BICDL2: variants seen among roughly 807,000 people sequenced by gnomAD.
BICDL2 encodes BICD family like cargo adaptor 2.
BICDL2 carries 62 observed loss-of-function variants against 56.6 expected under a neutral mutation model. The observed-to-expected ratio is 1.10, with a 90% CI of 0.89 to 1.35. The LOEUF (loss-of-function observed/expected upper bound fraction) is 1.35, where lower values mean the gene tolerates loss of function less well. BICDL2 is among the 40% of genes most tolerant of loss of function. The pLI, the probability that BICDL2 is intolerant of heterozygous loss-of-function variation, is 0.00. For synonymous variants in BICDL2, 358 were observed against 319.8 expected, an observed-to-expected ratio of 1.12 and a Z score of -1.27; for missense variants, 808 against 684.5, an observed-to-expected ratio of 1.18 and a Z score of -2.01.
At chr16:3,028,874 G>C (rs1415239341) in intron 7 of BICDL2, 44 bp from the exon 8 acceptor site, 14 of 1,513,938 alleles carry the variant, frequency 9.2e-6, no homozygotes, top group Admixed American at 2.0e-5. Context: ...GGGCCAATGG[G>C]CCTCCCTGCT....
Position 3,033,286 on chromosome 16 carries a change from C to T in BICDL2, c.282+1929G>A, listed in dbSNP as rs887563953. Among the ~76,000 whole-genome samples the T allele has an allele frequency of 3.9e-5, 6 of 151,940 alleles. No individual in the cohort carries two copies. The East Asian group carries it at 1.2e-3, about 29-fold the overall frequency. On this transcript the variant is annotated intron_variant, in intron 2 of 9. Transcript: ENST00000572449. ...CACCACTGCACTCCAGCCTGGGCGA[C>T]AGAGCGAGACTCCATGTAAATAACA...
rs1429032329 is a variant in BICDL2, at chr16:3,030,507, T to G, written c.704A>C (p.Gln235Pro). The G allele has an allele frequency of 1.8e-5, 29 of 1,603,822 alleles. No homozygotes were observed. The highest frequency in any genetic ancestry group is 2.3e-5 in the Non-Finnish European group (27 of 1,179,336). ...CAGCAGCAACTCCTCGTGGGTGGTC[T>G]GCAGTCTGCCCTCACCCTTCTCCAC... is the stretch of plus-strand genomic sequence containing the variant. ...EEVEKGEGRL[Q>P]TTHEELLLLR... Residue 235 changes from glutamine to proline, a missense_variant, in exon 5 of 10, where the codon CAG becomes CCG. By Grantham distance (76) the Gln-to-Pro change is moderately conservative (BLOSUM62 -1). Coordinates refer to ENST00000572449, the MANE Select transcript of BICDL2 (RefSeq NM_001369667.1).
In BICDL2 at chr16:3,035,691, T is replaced by C. The variant is rs1596485702; in HGVS notation, c.-30-165A>G. On this transcript the variant is annotated intron_variant, in intron 1 of 9. Transcript: ENST00000572449. ...TGTTTTGGCTACCCAGTTCCGTTAATGTCCCTGGGGTAAACTGAGGCAGGA... is the reference window on the plus strand; with the variant it reads ...TGTTTTGGCTACCCAGTTCCGTTAACGTCCCTGGGGTAAACTGAGGCAGGA... 5 of 619,248 alleles carry C rather than the reference T, an allele frequency of 8.1e-6. No homozygotes were observed. The East Asian group carries it at 1.4e-4, about 17-fold the overall frequency. 38.4% of individuals were successfully genotyped at this position (619,248 alleles called of 1,614,324 possible). A position where few individuals can be genotyped will look rare whatever the true frequency, so the allele number is the denominator to read the frequency against.
rs920201069 is a variant in BICDL2 at position 3,031,214 on chromosome 16, G to C, written c.283-64C>G. 1.4e-5 allele frequency: 20 copies of C among 1,410,386 alleles called. No homozygotes were observed. In the African/African-American group the frequency reaches 2.0e-4, roughly 14 times the overall value. 87.4% of individuals were successfully genotyped at this position (1,410,386 alleles called of 1,614,324 possible). On this transcript the variant is annotated intron_variant, in intron 2 of 9. Coordinates refer to ENST00000572449, the MANE Select transcript of BICDL2 (RefSeq NM_001369667.1). ...ACCGATGAGACTGGGCAGGCACAGAGAGATGGCGATGGAGGGACAGACACC... is the reference window on the plus strand; with the variant it reads ...ACCGATGAGACTGGGCAGGCACAGACAGATGGCGATGGAGGGACAGACACC...
rs1363041377 is a variant in BICDL2, at chr16:3,028,792, T to G, written c.1146A>C (p.Glu382Asp). The change falls in exon 8 of 10, where the codon GAA becomes GAC. Residue 382 changes from glutamate to aspartate, a missense_variant. Physicochemically the swap from Glu to Asp is conservative, Grantham distance 45. Transcript: ENST00000572449. ...LQQAELQSLREELQRQKELRA... is the reference protein window; with the variant it reads ...LQQAELQSLRDELQRQKELRA... Reference sequence around the variant, plus strand: ...GCAGCTCCTTCTGCCTCTGCAGCTCTTCCCGCAGGGACTGCAGCTCTGCCT... The same window carrying G: ...GCAGCTCCTTCTGCCTCTGCAGCTCGTCCCGCAGGGACTGCAGCTCTGCCT... 3 of 1,556,612 alleles carry G rather than the reference T, an allele frequency of 1.9e-6. No individual in the cohort carries two copies. The African/African-American group carries it at 4.1e-5, about 21-fold the overall frequency.
At position 3,029,862 on chromosome 16, in the gene BICDL2, TC is replaced by T; in HGVS notation, c.763-124del. ...CCCGCACCCCAGCGGCCCAGGCTGT[TC>T]CCGTTCCTGGATCGCTGGGCGCCTT... On this transcript the variant is annotated intron_variant, in intron 5 of 9. Transcript: ENST00000572449. 4.8e-6 allele frequency: 4 copies of T among 831,192 alleles called. No individual in the cohort carries two copies. The South Asian group carries it at 7.5e-5, about 16-fold the overall frequency. The allele number at this position is 831,192 out of a possible 1,614,324, so 51.5% of individuals were successfully genotyped here.
intron 1 of BICDL2, chr16:3,036,391 G>C (rs182839280): frequency 1.1e-5 from 5 of 452,572 alleles, no homozygotes; most frequent in African/African-American, 2.0e-5. Flanking sequence ...GGGGTTCAGG[G>C]GCTCGGGTCA....
In BICDL2 at chr16:3,029,571, C is replaced by T. The variant is rs1007943148; in HGVS notation, c.931G>A (p.Gly311Ser). ...HSLDDGDQGQ[G>S]ADAPGDTPTT... ...GGGGTGTCTCCGGGTGCGTCGGCGC[C>T]CTGGCCCTGGTCGCCGTCGTCGAGG... The change falls in exon 6 of 10, where the codon GGC (glycine) becomes AGC (serine). Residue 311 changes from glycine (G) to serine (S), a missense_variant. By Grantham distance (56) the Gly-to-Ser change is moderately conservative. Transcript: ENST00000572449. 31 of 1,546,462 alleles carry T rather than the reference C, an allele frequency of 2.0e-5. No individual in the cohort carries two copies. Among genetic ancestry groups the T allele is most frequent in the Non-Finnish European group, 2.5e-5 (29 of 1,150,244 alleles).
At position 3,029,747 on chromosome 16, in the gene BICDL2, C is replaced by A. The variant is rs766130035; in HGVS notation, c.763-8G>T. The A allele has an allele frequency of 2.0e-6, 3 of 1,483,890 alleles. No individual in the cohort carries two copies. Among genetic ancestry groups the A allele is most frequent in the Non-Finnish European group, 2.7e-6 (3 of 1,125,474 alleles). The allele number at this position is 1,483,890 out of a possible 1,614,324, so 91.9% of individuals were successfully genotyped here. On this transcript the variant is annotated splice_polypyrimidine_tract_variant and splice_region_variant and intron_variant, in intron 5 of 9. Coordinates refer to ENST00000572449, the MANE Select transcript of BICDL2 (RefSeq NM_001369667.1). Reference sequence around the variant, plus strand: ...TGACCGTGCGCGTTCCAGCTGTGGACGGTCCCGCAGACGGAAGCGCGGGCG... The same window carrying A: ...TGACCGTGCGCGTTCCAGCTGTGGAAGGTCCCGCAGACGGAAGCGCGGGCG...
chr16:3,035,199 T>A lies in BICDL2; in HGVS notation c.282+16A>T. ...CCTGCCCACCCACCCACCCACCCCG[T>A]CCAGTGCTAGCTCACTTCCTCACGC... On this transcript the variant is annotated intron_variant, in intron 2 of 9. Transcript: ENST00000572449. The A allele has an allele frequency of 1.8e-5, 1 of 56,150 alleles. No homozygotes were observed. The highest frequency in any genetic ancestry group is 4.8e-4 in the East Asian group (1 of 2,066). The allele number at this position is 56,150 out of a possible 1,614,324, so 3.5% of individuals were successfully genotyped here.
At chr16:3,033,455 G>T (rs1359854138) in intron 2 of BICDL2, among the ~76,000 whole-genome samples, 1 of 152,118 alleles carries the variant, frequency 6.6e-6, no homozygotes, top group Non-Finnish European at 1.5e-5. Flanking sequence ...AGAATCAAAA[G>T]GGCTTGCGGA....
At chr16:3,036,183 T>C in intron 1 of BICDL2, 1 of 429,758 alleles carries the variant, frequency 2.3e-6, no homozygotes, top group Non-Finnish European at 4.6e-6. Flanking sequence ...CAGGCATTCA[T>C]GCCCCCACCC....
At chr16:3,031,357 C>T (rs191168309) in intron 2 of BICDL2, 22 of 586,980 alleles carry the variant, frequency 3.7e-5, no homozygotes, top group Middle Eastern at 4.5e-4. Flanking sequence ...GCAGACAGGA[C>T]GCGTGGGCCC....
At chr16:3,036,521 C>G (rs1460209894) in intron 1 of BICDL2, 3 of 455,972 alleles carry the variant, frequency 6.6e-6, no homozygotes, top group Admixed American at 4.7e-5. Flanking sequence ...GCCCTGCTCG[C>G]AGGACGTGAG....
In BICDL2 at chr16:3,029,670, C is replaced by A; in HGVS notation, c.832G>T (p.Glu278Ter). The change falls in exon 6 of 10, where the codon GAG (glutamate) becomes TAG (stop). Residue 278 changes from glutamate to a stop codon, truncating the protein, a stop_gained. Transcript: ENST00000572449. LOFTEE classifies it high-confidence loss of function. ...ALRRLQRRVS[E>*]LEEESRLQDA... ...TGGAGGCGTGACTCCTCCTCCAGCT[C>A]GGAGACGCGCCGCTGCAGCCTCCGC... 1 of 1,537,970 alleles carries A rather than the reference C, an allele frequency of 6.5e-7. No individual in the cohort carries two copies. The highest frequency in any genetic ancestry group is 1.2e-5 in the South Asian group (1 of 84,194).
At chr16:3,029,865 C>A in intron 5 of BICDL2, 126 bp from the exon 6 acceptor site, 5 of 803,216 alleles carry the variant, frequency 6.2e-6, no homozygotes, top group South Asian at 3.8e-5. Context: ...AGGCTGTTCC[C>A]GTTCCTGGAT....
At chr16:3,035,549 G>C in intron 1 of BICDL2, 23 bp from the exon 2 acceptor site, 2 of 1,545,506 alleles carry the variant, frequency 1.3e-6, no homozygotes, top group Admixed American at 3.8e-5. Flanking sequence ...CTACTCTGCA[G>C]CCTGACAGGG....
Position 3,035,176 on chromosome 16 carries a change from T to TTCCCCCCCCCCCCCCCCCCCC in BICDL2, c.282+38_282+39insGGGGGGGGGGGGGGGGGGGGA. 12 of 136,272 alleles carry TTCCCCCCCCCCCCCCCCCCCC rather than the reference T, an allele frequency of 8.8e-5. 2 individuals carry two copies. Among genetic ancestry groups the TTCCCCCCCCCCCCCCCCCCCC allele is most frequent in the South Asian group, 8.1e-4 (4 of 4,916 alleles). 8.4% of individuals were successfully genotyped at this position (136,272 alleles called of 1,614,324 possible). A position where few individuals can be genotyped will look rare whatever the true frequency, so the allele number is the denominator to read the frequency against. On this transcript the variant is annotated intron_variant, in intron 2 of 9. Coordinates refer to ENST00000572449, the MANE Select transcript of BICDL2 (RefSeq NM_001369667.1). ...CTCTCCAGGCCCACCCGTCCTCCCC[T>TTCCCCCCCCCCCCCCCCCCCC]GCCCACCCACCCACCCACCCCGTCC...
Position 3,035,482 on chromosome 16 carries a change from A to T in BICDL2, c.15T>A (p.Asp5Glu), listed in dbSNP as rs111785775. The T allele has an allele frequency of 5.0e-6, 8 of 1,610,028 alleles. No homozygotes were observed. The South Asian group carries it at 8.8e-5, about 18-fold the overall frequency. Residue 5 changes from aspartate (D) to glutamate (E), a missense_variant, in exon 2 of 10, where the codon GAT becomes GAA. Physicochemically the swap from Asp to Glu is conservative, Grantham distance 45. Coordinates refer to ENST00000572449, the MANE Select transcript of BICDL2 (RefSeq NM_001369667.1). ...GCGGCCCGGACGGGAAGCTGGGCCC[A>T]TCTGGAGAGCTCATGTCACCTGCAG... MSSP[D>E]GPSFPSGPLS...
Sources: gnomAD v4.1 joint callset for allele counts (sites outside exome capture counted in the v4.1 genomes callset) on GRCh38, gnomAD v4.1.1 for gene constraint, MANE v1.5 for transcripts, NCBI Gene and HGNC (gene_info 2026-07-23, HGNC 2026-07-21) for gene names.